LRRN1: variants seen among roughly 807,000 people sequenced by gnomAD.
The protein encoded by LRRN1 is leucine-rich repeat neuronal protein 1.
LRRN1 carries 14 observed loss-of-function variants against 45.8 expected under a neutral mutation model. The ratio of observed to expected loss-of-function variants is 0.31; its 90% CI spans 0.20 to 0.48. LRRN1 has a LOEUF of 0.48. LRRN1 is among the 20% of genes least tolerant of loss of function. The probability of loss-of-function intolerance (pLI) is 0.99; values close to 1 mark genes in which losing one functional copy is unlikely to be tolerated. For missense variants in LRRN1, 789 were observed against 874.2 expected (o/e 0.90, Z 1.23); for synonymous variants, 359 against 330.1 (o/e 1.09, Z -0.95).
Position 3,845,950 on chromosome 3 carries a change from G to A in LRRN1, c.1309G>A (p.Val437Met), listed in dbSNP as rs778235363. ...SHDSFPNRLNVDIGTTVFLDC... is the reference protein window; with the variant it reads ...SHDSFPNRLNMDIGTTVFLDC... ...CGACAGCTTCCCAAATCGTTTAAACGTGGATATCGGCACGACGGTTTTCCT... is the reference window on the plus strand; with the variant it reads ...CGACAGCTTCCCAAATCGTTTAAACATGGATATCGGCACGACGGTTTTCCT... Residue 437 changes from valine to methionine, a missense_variant, in exon 2 of 2, where the codon GTG becomes ATG. Transcript: ENST00000319331. This position sits in a 1 kb window ranked among gnomAD's most constrained non-coding sequence, Gnocchi z 6.5. 15 of 1,613,976 alleles carry A rather than the reference G, an allele frequency of 9.3e-6. No homozygotes were observed. Among genetic ancestry groups the A allele is most frequent in the African/African-American group, 5.3e-5 (4 of 74,906 alleles).
intron 1 of LRRN1, among the ~76,000 whole-genome samples, chr3:3,819,885 C>T (rs1303207155): frequency 6.6e-6 from 1 of 152,110 alleles, no homozygotes; most frequent in African/African-American, 2.4e-5. Context: ...TTTTGACAAC[C>T]ACATGAGGAA....
intron 1 of LRRN1, among the ~76,000 whole-genome samples, chr3:3,808,647 C>G (rs1692814929): frequency 6.6e-6 from 1 of 152,186 alleles, no homozygotes; most frequent in Non-Finnish European, 1.5e-5. Context: ...GACTCTAAAC[C>G]TGTACTGTTA....
rs1338964048 is a variant in LRRN1, at chr3:3,849,628, A to G, written c.*2836A>G. On this transcript the variant is annotated 3_prime_UTR_variant, in exon 2 of 2. Coordinates refer to ENST00000319331, the MANE Select transcript of LRRN1 (RefSeq NM_020873.7). ...CTGCTGCCTTCAGGGTATATAGTGT[A>G]TCTCTAACCTGATTTTTCAAGGTTA... is the stretch of plus-strand genomic sequence containing the variant. Among the ~76,000 whole-genome samples, 2 of 152,144 alleles carry G rather than the reference A, an allele frequency of 1.3e-5. No homozygotes were observed. Among genetic ancestry groups the G allele is most frequent in the African/African-American group, 2.4e-5 (1 of 41,438 alleles).
rs1205132150 is a variant in LRRN1 at position 3,845,247 on chromosome 3, T to C, written c.606T>C (p.Pro202=). Reference sequence around the variant, plus strand: ...AAATTCTCATGATCGGAGAAAACCCTGTGATTGGAATTCTGGATATGAACT... The same window carrying C: ...AAATTCTCATGATCGGAGAAAACCCCGTGATTGGAATTCTGGATATGAACT... ...NLEILMIGEN[P]VIGILDMNFK... The change falls in exon 2 of 2, where the codon CCT becomes CCC. Residue 202 remains proline (P), a synonymous_variant. Transcript: ENST00000319331. The surrounding 1 kb of genome is among the most constrained non-coding windows in gnomAD (Gnocchi z 6.5). The C allele has an allele frequency of 3.1e-6, 5 of 1,614,078 alleles. No individual in the cohort carries two copies. The highest frequency in any genetic ancestry group is 4.2e-6 in the Non-Finnish European group (5 of 1,180,048).
chr3:3,828,774 A>C (rs1377224621), intron 1 of LRRN1, among the ~76,000 whole-genome samples: 2 of 152,308 alleles, frequency 1.3e-5, no homozygotes, highest in African/African-American at 4.8e-5. Context: ...AAAGGAAAAA[A>C]ATGAAGATAT....
intron 1 of LRRN1, among the ~76,000 whole-genome samples, chr3:3,826,122 A>G (rs1361873119): frequency 6.6e-6 from 1 of 152,106 alleles, no homozygotes; most frequent in African/African-American, 2.4e-5. Context: ...CCCTACACCT[A>G]CCTGGCCCTA....
intron 1 of LRRN1, among the ~76,000 whole-genome samples, chr3:3,813,131 A>G (rs1461041221): frequency 1.3e-5 from 2 of 152,186 alleles, no homozygotes; most frequent in Non-Finnish European, 2.9e-5. Flanking sequence ...TCATGAACTC[A>G]TTGTGTAAAA....
At position 3,844,674 on chromosome 3, in the gene LRRN1, C is replaced by T. The variant is rs1437776369; in HGVS notation, c.33C>T (p.Cys11=). The T allele has an allele frequency of 6.2e-7, 1 of 1,613,076 alleles. No homozygotes were observed. The highest frequency in any genetic ancestry group is 2.2e-5 in the East Asian group (1 of 44,838). MARMSFVIAA[C]QLVLGLLMTS... The stretch of plus-strand genomic sequence containing the variant: ...GGATGAGCTTTGTTATAGCAGCTTG[C>T]CAATTGGTGCTGGGCCTACTAATGA... The change falls in exon 2 of 2, where the codon TGC becomes TGT. Residue 11 remains cysteine (C), a synonymous_variant. Coordinates refer to ENST00000319331, the MANE Select transcript of LRRN1 (RefSeq NM_020873.7).
Position 3,845,983 on chromosome 3 carries a change from C to A in LRRN1, c.1342C>A (p.Arg448=), listed in dbSNP as rs772776936. 6.2e-7 allele frequency: 1 copy of A among 1,613,962 alleles called. No homozygotes were observed. Among genetic ancestry groups the A allele is most frequent in the South Asian group, 1.1e-5 (1 of 91,080 alleles). ...DIGTTVFLDC[R]AMAEPEPEIY... ...CGGCACGACGGTTTTCCTAGACTGT[C>A]GAGCCATGGCTGAGCCAGAACCTGA... The change falls in exon 2 of 2, where the codon CGA becomes AGA. Residue 448 remains arginine (R), a synonymous_variant. Coordinates refer to ENST00000319331, the MANE Select transcript of LRRN1 (RefSeq NM_020873.7). The surrounding 1 kb of genome is among the most constrained non-coding windows in gnomAD (Gnocchi z 6.5).
At chr3:3,840,267 C>T (rs1693619811) in intron 1 of LRRN1, among the ~76,000 whole-genome samples, 1 of 152,116 alleles carries the variant, frequency 6.6e-6, no homozygotes, top group Non-Finnish European at 1.5e-5. Context: ...GTTAATGTGG[C>T]ATATTATACT....
Position 3,847,039 on chromosome 3 carries a change from ATAT to A in LRRN1, c.*255_*257del, listed in dbSNP as rs1297609949. ...TCTTATCATTATTATGATTGTTATTATATTATTATTTTATTTTAGTTGTTGTGC... is the reference window on the plus strand; with the variant it reads ...TCTTATCATTATTATGATTGTTATTATATTATTTTATTTTAGTTGTTGTGC... On this transcript the variant is annotated 3_prime_UTR_variant, in exon 2 of 2. Transcript: ENST00000319331. The A allele has an allele frequency of 1.6e-5, 5 of 306,318 alleles. No individual in the cohort carries two copies. Among genetic ancestry groups the A allele is most frequent in the African/African-American group, 8.8e-5 (4 of 45,636 alleles). 19.0% of individuals were successfully genotyped at this position (306,318 alleles called of 1,614,324 possible).
chr3:3,828,886 G>A (rs948910472), intron 1 of LRRN1, among the ~76,000 whole-genome samples: 1 of 152,110 alleles, frequency 6.6e-6, no homozygotes, highest in African/African-American at 2.4e-5. Context: ...TCTGCAGCTG[G>A]TCATGTGATC....
In LRRN1 at chr3:3,844,564, C is replaced by A. The variant is rs1693715110; in HGVS notation, c.-78C>A. ...AATGTTTACATTTTCTGCTCGCTGT[C>A]CTACATATCACAATATAGTGTTCAC... is the stretch of plus-strand genomic sequence containing the variant. On this transcript the variant is annotated 5_prime_UTR_variant, in exon 2 of 2. Transcript: ENST00000319331. The A allele has an allele frequency of 9.2e-7, 1 of 1,081,494 alleles. No homozygotes were observed. Among genetic ancestry groups the A allele is most frequent in the Non-Finnish European group, 1.3e-6 (1 of 742,570 alleles). 67.0% of individuals were successfully genotyped at this position (1,081,494 alleles called of 1,614,324 possible).
chr3:3,844,881 G>C lies in LRRN1; in HGVS notation c.240G>C (p.Gln80His). ...LSSDTQVLLL[Q>H]SNNIAKTVDE... ...GTGACACACAAGTGCTTCTCTTACAGAGCAATAACATCGCAAAGACTGTGG... is the reference window on the plus strand; with the variant it reads ...GTGACACACAAGTGCTTCTCTTACACAGCAATAACATCGCAAAGACTGTGG... The change falls in exon 2 of 2, where the codon CAG becomes CAC. Residue 80 changes from glutamine (Q) to histidine (H), a missense_variant. Transcript: ENST00000319331. 1 of 1,614,132 alleles carries C rather than the reference G, an allele frequency of 6.2e-7. No individual in the cohort carries two copies. The highest frequency in any genetic ancestry group is 1.1e-5 in the South Asian group (1 of 91,078).
chr3:3,847,609 G>A lies in LRRN1; in HGVS notation c.*817G>A, dbSNP rs1334591177. On this transcript the variant is annotated 3_prime_UTR_variant, in exon 2 of 2. Transcript: ENST00000319331. ...AACTATAATAAATTAGTTTTGTTCT[G>A]ATTTTTTAGAACACTTGCAATAATG... is the stretch of plus-strand genomic sequence containing the variant. 6.0e-6 allele frequency: 1 copy of A among 166,884 alleles called. No homozygotes were observed. Among genetic ancestry groups the A allele is most frequent in the Admixed American group, 6.6e-5 (1 of 15,234 alleles). The allele number at this position is 166,884 out of a possible 1,614,324, so 10.3% of individuals were successfully genotyped here.
chr3:3,819,863 CTCATT>C (rs1367440271), intron 1 of LRRN1, among the ~76,000 whole-genome samples: 1 of 152,128 alleles, frequency 6.6e-6, no homozygotes, highest in Non-Finnish European at 1.5e-5. Context: ...TGCATATTAA[CTCATT>C]TCATCTTTTT....
chr3:3,840,539 A>G (rs1017732959), intron 1 of LRRN1, among the ~76,000 whole-genome samples: 1 of 152,236 alleles, frequency 6.6e-6, no homozygotes, highest in Non-Finnish European at 1.5e-5. Flanking sequence ...ACATTAAAAA[A>G]GTTTGGTGAA....
At chr3:3,815,050 C>T (rs1300343917) in intron 1 of LRRN1, among the ~76,000 whole-genome samples, 1 of 152,080 alleles carries the variant, frequency 6.6e-6, no homozygotes, top group Non-Finnish European at 1.5e-5. Context: ...TCAGAGAAAA[C>T]TCCTTAGTGA....
intron 1 of LRRN1, chr3:3,827,557 C>CA: frequency 2.2e-6 from 1 of 455,134 alleles, no homozygotes; most frequent in South Asian, 1.6e-5. Context: ...CCCATTTCCC[C>CA]ATTATTCAAG....
Sources: gnomAD v4.1 joint callset for allele counts (sites outside exome capture counted in the v4.1 genomes callset) on GRCh38, gnomAD v4.1.1 for gene constraint, Gnocchi (gnomAD v3.1) non-coding constraint, MANE v1.5 for transcripts, NCBI Gene and HGNC (gene_info 2026-07-23, HGNC 2026-07-21) for gene names.